The following AGAP1 variants were observed in gnomAD, a reference collection of about 807,000 sequenced individuals.
AGAP1 encodes ArfGAP with GTPase domain, ankyrin repeat and PH domain 1.
A neutral mutation model predicts 105.3 loss-of-function variants in AGAP1; 29 were observed. The observed-to-expected ratio is 0.28, with a 90% CI of 0.21 to 0.38. The LOEUF is 0.38. Ranked by LOEUF, AGAP1 falls within the 10% of genes least tolerant of loss-of-function variation. AGAP1 has a pLI of 1.00. For missense variants in AGAP1, 998 were observed against 1,165.1 expected, an observed-to-expected ratio of 0.86 and a Z score of 2.09; for synonymous variants, 509 against 485.9, an observed-to-expected ratio of 1.05 and a Z score of -0.63.
chr2:235,941,326 A>G (rs1231871034), intron 12 of AGAP1, among the ~76,000 whole-genome samples: 2 of 152,224 alleles, frequency 1.3e-5, no homozygotes, highest in East Asian at 1.9e-4. Context: ...TTTCACAACA[A>G]TTTAATTTCT....
At chr2:235,641,717 C>T (rs568536766) in intron 1 of AGAP1, among the ~76,000 whole-genome samples, 1 of 152,334 alleles carries the variant, frequency 6.6e-6, no homozygotes, top group South Asian at 2.1e-4. Flanking sequence ...AACAATGTTA[C>T]TGGCATAATG....
In AGAP1 at chr2:235,578,363, A is replaced by G. The variant is rs1944807833; in HGVS notation, c.163+83514A>G. ...ACCTGCCCCCAGGTGTCCTGGGAGAAGTCAGTGACATGATTAAGACCTTTA... is the reference window on the plus strand; with the variant it reads ...ACCTGCCCCCAGGTGTCCTGGGAGAGGTCAGTGACATGATTAAGACCTTTA... On this transcript the variant is annotated intron_variant, in intron 1 of 17. Transcript: ENST00000304032. The surrounding 1 kb of genome is among the most constrained non-coding windows in gnomAD (Gnocchi z 4.9). 6.6e-6 allele frequency among the ~76,000 whole-genome samples: 1 copy of G among 152,216 alleles called. No homozygotes were observed. The highest frequency in any genetic ancestry group is 1.5e-5 in the Non-Finnish European group (1 of 68,044).
At chr2:235,562,816 G>A (rs1944206074) in intron 1 of AGAP1, among the ~76,000 whole-genome samples, 1 of 152,106 alleles carries the variant, frequency 6.6e-6, no homozygotes, top group African/African-American at 2.4e-5. Context: ...CAGAATTTTG[G>A]GAGACTGAGG....
chr2:235,999,053 A>G (rs922456343), intron 13 of AGAP1, among the ~76,000 whole-genome samples: 1 of 147,642 alleles, frequency 6.8e-6, no homozygotes, highest in African/African-American at 2.5e-5. Context: ...GGCAAGAATG[A>G]TAATGATGGT....
At chr2:236,111,227 G>A (rs972243708) in intron 16 of AGAP1, among the ~76,000 whole-genome samples, 2 of 152,164 alleles carry the variant, frequency 1.3e-5, no homozygotes, top group Non-Finnish European at 1.5e-5. Context: ...TCCAGTCACT[G>A]GGATGAGAAA....
Position 235,535,919 on chromosome 2 carries a change from C to T in AGAP1, c.163+41070C>T, listed in dbSNP as rs1943199071. ...GGCTCTGGCCACAGTGGCTTTCCTG[C>T]CCTCCTTGGCTGGTGGACGTAAGGC... On this transcript the variant is annotated intron_variant, in intron 1 of 17. Coordinates refer to ENST00000304032, the MANE Select transcript of AGAP1 (RefSeq NM_001037131.3). This position sits in a 1 kb window ranked among gnomAD's most constrained non-coding sequence, Gnocchi z 5.1. Among the ~76,000 whole-genome samples, 1 of 151,872 alleles carries T rather than the reference C, an allele frequency of 6.6e-6. No individual in the cohort carries two copies. Among genetic ancestry groups the T allele is most frequent in the South Asian group, 2.1e-4 (1 of 4,816 alleles).
In AGAP1 at chr2:235,709,187, G is replaced by A. The variant is rs189890602; in HGVS notation, c.172G>A (p.Val58Met). 1.9e-6 allele frequency: 3 copies of A among 1,614,026 alleles called. No homozygotes were observed. The highest frequency in any genetic ancestry group is 2.2e-5 in the East Asian group (1 of 44,864). ...EHVIAIEDAF[V>M]NSQEWTLSRS... is the part of the protein sequence containing the mutation. ...GTCCTCCTCTTTTTCAGATGCCTTC[G>A]TGAACAGCCAGGAATGGACGCTGAG... is the stretch of plus-strand genomic sequence containing the variant. The change falls in exon 2 of 18, where the codon GTG (valine) becomes ATG (methionine). Residue 58 changes from valine (V) to methionine (M), a missense_variant. Physicochemically the swap from Val to Met is conservative, Grantham distance 21 (BLOSUM62 1). Coordinates refer to ENST00000304032, the MANE Select transcript of AGAP1 (RefSeq NM_001037131.3).
intron 1 of AGAP1, among the ~76,000 whole-genome samples, chr2:235,583,740 G>A (rs1945011113): frequency 6.6e-6 from 1 of 151,684 alleles, no homozygotes; most frequent in South Asian, 2.1e-4. Flanking sequence ...AGCTGGGTGT[G>A]GTGGTGTGCG....
intron 1 of AGAP1, among the ~76,000 whole-genome samples, chr2:235,587,590 GA>G (rs1373035012): frequency 6.6e-6 from 1 of 151,764 alleles, no homozygotes; most frequent in Non-Finnish European, 1.5e-5. Flanking sequence ...CATCTCTACT[GA>G]AAATACTTAA....
Position 235,614,425 on chromosome 2 carries a change from CT to C in AGAP1, c.164-94753del, listed in dbSNP as rs1389503580. Among the ~76,000 whole-genome samples, 1 of 151,982 alleles carries C rather than the reference CT, an allele frequency of 6.6e-6. No homozygotes were observed. The highest frequency in any genetic ancestry group is 1.5e-5 in the Non-Finnish European group (1 of 68,014). On this transcript the variant is annotated intron_variant, in intron 1 of 17. Transcript: ENST00000304032. This position sits in a 1 kb window ranked among gnomAD's most constrained non-coding sequence, Gnocchi z 4.7. ...TCCCAGAGGAGCAGCAGCAAACGGC[CT>C]GTGATGGGCTGGATGTATTTGGGGA... is the stretch of plus-strand genomic sequence containing the variant.
chr2:235,924,180 T>G (rs1223826261), intron 11 of AGAP1, among the ~76,000 whole-genome samples: 8 of 152,052 alleles, frequency 5.3e-5, no homozygotes, highest in African/African-American at 1.7e-4. Context: ...TATCTTAAGG[T>G]AGTATCTTAG....
chr2:235,934,617 A>T lies in AGAP1; in HGVS notation c.1483+3694A>T, dbSNP rs916710315. Among the ~76,000 whole-genome samples, 1 of 152,206 alleles carries T rather than the reference A, an allele frequency of 6.6e-6. No homozygotes were observed. Among genetic ancestry groups the T allele is most frequent in the African/African-American group, 2.4e-5 (1 of 41,448 alleles). On this transcript the variant is annotated intron_variant, in intron 12 of 17. Transcript: ENST00000304032. The surrounding 1 kb of genome is among the most constrained non-coding windows in gnomAD (Gnocchi z 4.9). ...AATAATCACAGAAGAAACAAACATG[A>T]TTAAGAGCTTTCTGTCATGCTCTTT... is the stretch of plus-strand genomic sequence containing the variant.
intron 1 of AGAP1, among the ~76,000 whole-genome samples, chr2:235,684,377 C>G (rs1241430474): frequency 6.6e-6 from 1 of 152,128 alleles, no homozygotes; most frequent in Non-Finnish European, 1.5e-5. Flanking sequence ...GAGACCCAGC[C>G]CATCGTGGCC....
intron 16 of AGAP1, among the ~76,000 whole-genome samples, chr2:236,112,330 C>T (rs1401172235): frequency 6.6e-6 from 1 of 151,822 alleles, no homozygotes; most frequent in Non-Finnish European, 1.5e-5. Context: ...GCAGGAGAAT[C>T]GCTTGAACCC....
chr2:236,016,253 A>G (rs531384445), intron 13 of AGAP1, among the ~76,000 whole-genome samples: 43 of 152,270 alleles, frequency 2.8e-4, no homozygotes, highest in African/African-American at 9.9e-4. Flanking sequence ...AGAAACGGTC[A>G]TTCATTATCA....
intron 1 of AGAP1, among the ~76,000 whole-genome samples, chr2:235,580,484 G>A (rs1315172160): frequency 1.3e-5 from 2 of 152,034 alleles, no homozygotes; most frequent in Admixed American, 6.6e-5. Context: ...GGGAGGGTGC[G>A]CTTTCTACTC....
At position 236,117,973 on chromosome 2, in the gene AGAP1, C is replaced by A. The variant is rs867638931; in HGVS notation, c.2115-2219C>A. On this transcript the variant is annotated intron_variant, in intron 16 of 17. Coordinates refer to ENST00000304032, the MANE Select transcript of AGAP1 (RefSeq NM_001037131.3). ...AGCCAAGTGTTTGTCCTGGAAATCT[C>A]CAAATGAAAAGAGTCGGGGGTCACT... Among the ~76,000 whole-genome samples the A allele has an allele frequency of 1.1e-4, 17 of 152,242 alleles. No homozygotes were observed. The Middle Eastern group carries it at 0.01, about 91-fold the overall frequency.
At chr2:235,669,691 C>G (rs1007836719) in intron 1 of AGAP1, 7 of 148,926 alleles carry the variant, frequency 4.7e-5, no homozygotes, top group African/African-American at 1.7e-4. Context: ...CGTCCCGGAG[C>G]CCAGGGAGTG....
chr2:235,938,265 G>A (rs2053085785), intron 12 of AGAP1, among the ~76,000 whole-genome samples: 2 of 152,258 alleles, frequency 1.3e-5, no homozygotes, highest in South Asian at 4.1e-4. Flanking sequence ...TGAGGAAGCA[G>A]GGGCAGAAGG....
Sources: allele counts gnomAD v4.1 joint callset (sites outside exome capture counted in the v4.1 genomes callset), GRCh38; gene constraint gnomAD v4.1.1; non-coding constraint Gnocchi (gnomAD v3.1); transcripts MANE v1.5; gene names NCBI Gene and HGNC (gene_info 2026-07-23, HGNC 2026-07-21).